The following VPS50 variants were observed in gnomAD, a reference collection of about 807,000 sequenced individuals.
VPS50 encodes VPS50 subunit of EARP/GARPII complex.
Under a neutral mutation model 139.7 loss-of-function variants are expected in VPS50, and 70 were observed. The ratio of observed to expected loss-of-function variants is 0.50; its 90% confidence interval spans 0.41 to 0.61. VPS50 has a LOEUF of 0.61. Ranked by LOEUF, VPS50 falls within the 20% of genes least tolerant of loss-of-function variation. VPS50 has a pLI of 0.00. For synonymous variants in VPS50, 365 were observed against 376.7 expected, an observed-to-expected ratio of 0.97 and a Z score of 0.36; for missense variants, 921 against 1,133.7, an observed-to-expected ratio of 0.81 and a Z score of 2.69.
In VPS50 at chr7:93,359,088, T is replaced by G. The variant is rs916580686; in HGVS notation, c.*652T>G. 6.6e-6 allele frequency: 1 copy of G among 152,134 alleles called. No homozygotes were observed. The highest frequency in any genetic ancestry group is 2.4e-5 in the African/African-American group (1 of 41,452). 9.4% of individuals were successfully genotyped at this position (152,134 alleles called of 1,614,324 possible). ...GATGTCATGAACTATAGTGCAGCTT[T>G]TAGTGTGTTCTAATTTTAATTGTTT... On this transcript the variant is annotated 3_prime_UTR_variant, in exon 28 of 28. Coordinates refer to ENST00000305866, the MANE Select transcript of VPS50 (RefSeq NM_017667.4).
chr7:93,253,750 C>A, intron 3 of VPS50, 110 bp from the exon 4 acceptor site: 1 of 595,792 alleles, frequency 1.7e-6, no homozygotes, highest in South Asian at 2.5e-5. Context: ...TGGGATGTGA[C>A]ACTGTTTTGT....
intron 2 of VPS50, among the ~76,000 whole-genome samples, chr7:93,243,989 G>T (rs73218078): frequency 0.12 from 17,986 of 151,436 alleles, 1,363 homozygotes; most frequent in Middle Eastern, 0.21. Context: ...TGATAAGGGG[G>T]TTTTTTTGGC....
intron 8 of VPS50, among the ~76,000 whole-genome samples, chr7:93,259,024 G>A (rs905213111): frequency 6.6e-6 from 1 of 151,986 alleles, no homozygotes; most frequent in African/African-American, 2.4e-5. Flanking sequence ...TAGGGTTTCA[G>A]AAACCCATAT....
chr7:93,234,343 C>A (rs911818200), intron 1 of VPS50, among the ~76,000 whole-genome samples: 1 of 152,030 alleles, frequency 6.6e-6, no homozygotes, highest in African/African-American at 2.4e-5. Context: ...AACACTTAAG[C>A]CTTAGTCAGT....
intron 17 of VPS50, 61 bp downstream of exon 17, chr7:93,303,611 T>G: frequency 5.8e-6 from 4 of 694,192 alleles, no homozygotes; most frequent in South Asian, 4.5e-5. Context: ...CCCTTTTTTT[T>G]GAAAAAAAAA....
intron 20 of VPS50, chr7:93,320,786 T>G (rs1797592387): frequency 6.6e-6 from 1 of 152,462 alleles, no homozygotes; most frequent in Non-Finnish European, 1.5e-5. Flanking sequence ...GAATGCAGAC[T>G]GTTACAGTTT....
Position 93,353,773 on chromosome 7 carries a change from A to T in VPS50, c.2585+12A>T. On this transcript the variant is annotated intron_variant, in intron 26 of 27. Coordinates refer to ENST00000305866, the MANE Select transcript of VPS50 (RefSeq NM_017667.4). ...ACTATTGTAGAAGGGTAAGTTTTTC[A>T]TGAAAGCATTATTTGTTTCTTTAAT... The T allele has an allele frequency of 6.3e-7, 1 of 1,591,430 alleles. No homozygotes were observed. The highest frequency in any genetic ancestry group is 8.6e-7 in the Non-Finnish European group (1 of 1,167,026).
intron 1 of VPS50, among the ~76,000 whole-genome samples, chr7:93,238,016 A>C (rs1432632584): frequency 3.3e-5 from 5 of 152,322 alleles, no homozygotes; most frequent in African/African-American, 1.2e-4. Context: ...TGTACTTTGA[A>C]AAATGTTTGT....
At chr7:93,320,780 G>T (rs953994672) in intron 20 of VPS50, 1 of 152,444 alleles carries the variant, frequency 6.6e-6, no homozygotes, top group African/African-American at 2.4e-5. Flanking sequence ...GGTGGGGAAT[G>T]CAGACTGTTA....
At chr7:93,284,950 G>C (rs1291167813) in intron 12 of VPS50, among the ~76,000 whole-genome samples, 1 of 152,180 alleles carries the variant, frequency 6.6e-6, no homozygotes, top group Non-Finnish European at 1.5e-5. Context: ...AGATATTGGA[G>C]TAATTAAATA....
intron 12 of VPS50, 27 bp from the exon 13 acceptor site, chr7:93,291,676 A>G: frequency 1.5e-6 from 2 of 1,345,068 alleles, no homozygotes; most frequent in Non-Finnish European, 2.0e-6. Context: ...TAATAATTTG[A>G]AAGTTGTCTC....
At chr7:93,252,994 G>T (rs531835940) in intron 3 of VPS50, among the ~76,000 whole-genome samples, 1 of 152,086 alleles carries the variant, frequency 6.6e-6, no homozygotes, top group Non-Finnish European at 1.5e-5. Context: ...AAACATTTCT[G>T]TATTTTTGGT....
chr7:93,294,470 G>T (rs1796744161), intron 13 of VPS50, 75 bp from the exon 14 acceptor site: 1 of 1,269,148 alleles, frequency 7.9e-7, no homozygotes, highest in Non-Finnish European at 1.1e-6. Context: ...TGTGTGAGAG[G>T]CCAAATAGAA....
At chr7:93,308,118 A>AGATGATGATGATGATGAT (rs59549693) in intron 18 of VPS50, among the ~76,000 whole-genome samples, 5 of 150,196 alleles carry the variant, frequency 3.3e-5, no homozygotes, top group Non-Finnish European at 7.4e-5. Context: ...TGACATTAAT[A>AGATGATGATGATGATGAT]GATGATGATG....
chr7:93,359,855 TTGTG>T lies in VPS50; in HGVS notation c.*1425_*1428del, dbSNP rs1798798138. The stretch of plus-strand genomic sequence containing the variant: ...AATGTGAAGCACTTTCAGAATATGT[TTGTG>T]TGTGTCTGTATGCTGAGTGTTTTCT... On this transcript the variant is annotated 3_prime_UTR_variant, in exon 28 of 28. Transcript: ENST00000305866. 2 of 152,132 alleles carry T rather than the reference TTGTG, an allele frequency of 1.3e-5. No homozygotes were observed. Among genetic ancestry groups the T allele is most frequent in the African/African-American group, 4.8e-5 (2 of 41,434 alleles). The allele number at this position is 152,132 out of a possible 1,614,324, so 9.4% of individuals were successfully genotyped here.
intron 9 of VPS50, among the ~76,000 whole-genome samples, chr7:93,263,574 T>C (rs1194767499): frequency 1.3e-5 from 2 of 152,222 alleles, no homozygotes; most frequent in African/African-American, 4.8e-5. Flanking sequence ...AAATAAGGTT[T>C]TTGTTTTTGG....
chr7:93,272,922 A>G (rs1310614855), intron 11 of VPS50, 189 bp downstream of exon 11: 1 of 379,184 alleles, frequency 2.6e-6, no homozygotes, highest in East Asian at 4.8e-5. Context: ...TGGTTAAAAC[A>G]TTACAGTAGT....
In VPS50 at chr7:93,341,560, T is replaced by C; in HGVS notation, c.2192T>C (p.Val731Ala). Residue 731 changes from valine to alanine, a missense_variant, in exon 23 of 28, where the codon GTA becomes GCA. By Grantham distance (64) the Val-to-Ala change is moderately conservative. Transcript: ENST00000305866. ...CTGTATGGGTTGGCAGAAAGAGTGGTAGCCACGGAATCCTTGTAAGTTGTT... is the reference window on the plus strand; with the variant it reads ...CTGTATGGGTTGGCAGAAAGAGTGGCAGCCACGGAATCCTTGTAAGTTGTT... ...DTLYGLAERV[V>A]ATESLVFLAE... The C allele has an allele frequency of 6.2e-7, 1 of 1,607,504 alleles. No individual in the cohort carries two copies. The highest frequency in any genetic ancestry group is 8.5e-7 in the Non-Finnish European group (1 of 1,177,558).
At chr7:93,259,992 G>T (rs1795617017) in intron 9 of VPS50, among the ~76,000 whole-genome samples, 1 of 152,110 alleles carries the variant, frequency 6.6e-6, no homozygotes, top group Non-Finnish European at 1.5e-5. Flanking sequence ...AAATATTGAG[G>T]ATATTATTGC....
Sources: allele counts gnomAD v4.1 joint callset (sites outside exome capture counted in the v4.1 genomes callset), GRCh38; gene constraint gnomAD v4.1.1; transcripts MANE v1.5; gene names NCBI Gene and HGNC (gene_info 2026-07-23, HGNC 2026-07-21).